Variants in ATP8A2 observed in about 807,000 individuals in gnomAD.
ATP8A2 encodes ATPase phospholipid transporting 8A2.
A neutral mutation model predicts 165.6 loss-of-function variants in ATP8A2; 100 were observed. That is an observed-to-expected ratio of 0.60 (90% CI 0.51 to 0.71). ATP8A2 has a LOEUF of 0.71. ATP8A2 is among the 30% of genes least tolerant of loss of function. The pLI is 0.00. For missense variants in ATP8A2, 1,227 were observed against 1,479.5 expected, an observed-to-expected ratio of 0.83 and a Z score of 2.80; for synonymous variants, 543 against 548.8, an observed-to-expected ratio of 0.99 and a Z score of 0.15.
chr13:25,930,018 G>A (rs565235898), intron 33 of ATP8A2, among the ~76,000 whole-genome samples: 3 of 152,150 alleles, frequency 2.0e-5, no homozygotes, highest in African/African-American at 7.2e-5. Context: ...ACGTGCTCCT[G>A]TGCTGCCCCA....
At chr13:25,422,456 AT>A (rs2034328298) in intron 1 of ATP8A2, among the ~76,000 whole-genome samples, 1 of 152,220 alleles carries the variant, frequency 6.6e-6, no homozygotes, top group Admixed American at 6.5e-5. Context: ...CCCCGTTGAC[AT>A]TGTAGTCTTC....
chr13:25,972,617 A>AC (rs1171997370), intron 35 of ATP8A2, among the ~76,000 whole-genome samples: 7 of 152,142 alleles, frequency 4.6e-5, no homozygotes, highest in South Asian at 2.1e-4. Context: ...GGAAGCAGGA[A>AC]CCCCCCCGCA....
At chr13:25,709,456 T>G (rs1454596392) in intron 25 of ATP8A2, among the ~76,000 whole-genome samples, 1 of 152,212 alleles carries the variant, frequency 6.6e-6, no homozygotes, top group Non-Finnish European at 1.5e-5. Flanking sequence ...ATTTTGCCTC[T>G]TTACAGATGA....
intron 2 of ATP8A2, among the ~76,000 whole-genome samples, chr13:25,506,965 T>TATATATATATATATC (rs1339106349): frequency 7.7e-5 from 7 of 91,416 alleles, no homozygotes; most frequent in Non-Finnish European, 1.3e-4. Flanking sequence ...ATATATATCT[T>TATATATATATATATC]ATTTTACATA....
At chr13:25,793,522 C>A (rs1240032859) in intron 27 of ATP8A2, among the ~76,000 whole-genome samples, 1 of 152,044 alleles carries the variant, frequency 6.6e-6, no homozygotes, top group African/African-American at 2.4e-5. Context: ...TTATATTGTG[C>A]AAATGTGTGT....
intron 35 of ATP8A2, among the ~76,000 whole-genome samples, chr13:25,982,714 G>T (rs1956194464): frequency 6.6e-6 from 1 of 152,194 alleles, no homozygotes; most frequent in Admixed American, 6.5e-5. Flanking sequence ...ATTTGGAAAT[G>T]AAAATACACC....
intron 24 of ATP8A2, among the ~76,000 whole-genome samples, chr13:25,596,498 G>T (rs1009598389): frequency 6.6e-6 from 1 of 152,254 alleles, no homozygotes; most frequent in Admixed American, 6.5e-5. Context: ...TGGATTAATT[G>T]TGCTTGCTTA....
At chr13:25,821,019 A>AT (rs748195148) in intron 27 of ATP8A2, among the ~76,000 whole-genome samples, 3 of 151,950 alleles carry the variant, frequency 2.0e-5, no homozygotes, top group Admixed American at 6.6e-5. Context: ...ATGATGGATT[A>AT]TTTGAATGCA....
intron 23 of ATP8A2, among the ~76,000 whole-genome samples, chr13:25,588,268 T>A (rs935879113): frequency 6.6e-6 from 1 of 152,156 alleles, no homozygotes; most frequent in African/African-American, 2.4e-5. Context: ...ACAAACGAAA[T>A]TTTTTTACTG....
intron 33 of ATP8A2, among the ~76,000 whole-genome samples, chr13:25,911,197 G>A (rs1954095425): frequency 1.3e-5 from 2 of 152,150 alleles, no homozygotes; most frequent in Non-Finnish European, 2.9e-5. Context: ...GTTGGGCCTG[G>A]CTTGGAACAA....
rs563929436 is a variant in ATP8A2 at position 25,382,913 on chromosome 13, G to A, written c.76+10625G>A. On this transcript the variant is annotated intron_variant, in intron 1 of 36. Transcript: ENST00000381655. ...TGGGACTACAGGTGCCCGCCACCATGCCCAGCTAATTTTTTGTATTTTTAG... is the reference window on the plus strand; with the variant it reads ...TGGGACTACAGGTGCCCGCCACCATACCCAGCTAATTTTTTGTATTTTTAG... Among the ~76,000 whole-genome samples the A allele has an allele frequency of 1.2e-3, 186 of 151,434 alleles. 4 individuals carry two copies. In the East Asian group the frequency reaches 0.028, roughly 23 times the overall value.
intron 33 of ATP8A2, among the ~76,000 whole-genome samples, chr13:25,874,178 G>A (rs1952760178): frequency 6.6e-6 from 1 of 152,124 alleles, no homozygotes; most frequent in Non-Finnish European, 1.5e-5. Flanking sequence ...TGGCCCCTGA[G>A]GCCCTGCGAG....
At chr13:25,537,339 G>A (rs2038318860) in intron 6 of ATP8A2, among the ~76,000 whole-genome samples, 1 of 152,142 alleles carries the variant, frequency 6.6e-6, no homozygotes, top group South Asian at 2.1e-4. Context: ...CGTGCAGCTT[G>A]CCCAGTTTTG....
chr13:25,480,453 A>G, intron 2 of ATP8A2, among the ~76,000 whole-genome samples: 1 of 148,226 alleles, frequency 6.7e-6, no homozygotes, highest in African/African-American at 2.5e-5. Context: ...GCGGCTGGGC[A>G]GAGACGCTCC....
intron 1 of ATP8A2, among the ~76,000 whole-genome samples, chr13:25,375,170 G>A (rs2032573504): frequency 6.6e-6 from 1 of 152,200 alleles, no homozygotes; most frequent in Admixed American, 6.5e-5. Flanking sequence ...TGCTCAGGGT[G>A]GAGCCCCTTA....
chr13:25,559,210 C>A, intron 14 of ATP8A2, 149 bp downstream of exon 14: 1 of 604,528 alleles, frequency 1.7e-6, no homozygotes, highest in Non-Finnish European at 2.9e-6. Context: ...CTGAATGGAT[C>A]CCAAATTAAA....
chr13:25,860,466 T>G (rs1952314431), intron 31 of ATP8A2, among the ~76,000 whole-genome samples: 1 of 152,192 alleles, frequency 6.6e-6, no homozygotes, highest in South Asian at 2.1e-4. Context: ...TCTGGGCAGG[T>G]GGTTAACAGA....
intron 33 of ATP8A2, among the ~76,000 whole-genome samples, chr13:25,878,867 A>G (rs1952892925): frequency 6.6e-6 from 1 of 152,122 alleles, no homozygotes; most frequent in Admixed American, 6.5e-5. Context: ...GCTTAAAACC[A>G]TCAGCTGCCT....
intron 25 of ATP8A2, among the ~76,000 whole-genome samples, chr13:25,714,392 G>T (rs576671943): frequency 6.4e-4 from 97 of 152,074 alleles, no homozygotes; most frequent in African/African-American, 2.3e-3. Flanking sequence ...CTCAAGGCAG[G>T]GTACCTTGAG....
Sources: gnomAD v4.1 joint callset for allele counts (sites outside exome capture counted in the v4.1 genomes callset) on GRCh38, gnomAD v4.1.1 for gene constraint, MANE v1.5 for transcripts, NCBI Gene and HGNC (gene_info 2026-07-23, HGNC 2026-07-21) for gene names.